Variants in RYR1 observed in about 807,000 individuals in gnomAD.
RYR1 encodes central core disease of muscle.
Under a neutral mutation model 583.5 loss-of-function variants are expected in RYR1, and 342 were observed. That is an observed-to-expected ratio of 0.59 (90% confidence interval 0.54 to 0.64). The LOEUF is 0.64. Ranked by LOEUF, RYR1 falls within the 30% of genes least tolerant of loss-of-function variation. RYR1 has a pLI of 0.00. For synonymous variants in RYR1, 2,791 were observed against 2,822.5 expected (o/e 0.99, Z 0.35); for missense variants, 6,032 against 6,917.2 (o/e 0.87, Z 4.54).
At position 38,577,980 on chromosome 19, in the gene RYR1, C is replaced by T. The variant is rs1277398138; in HGVS notation, c.14235C>T (p.Asp4745=). Residue 4745 remains aspartate (D), a synonymous_variant, in exon 98 of 106, where the codon GAC becomes GAT. Transcript: ENST00000359596. ...RERIAELLGM[D]LATLEITAHN... ...GGATTGCTGAGCTACTGGGCATGGACCTGGCCACACTAGAGATCACAGCCC... is the reference window on the plus strand; with the variant it reads ...GGATTGCTGAGCTACTGGGCATGGATCTGGCCACACTAGAGATCACAGCCC... 6.2e-7 allele frequency: 1 copy of T among 1,614,098 alleles called. No homozygotes were observed. Among genetic ancestry groups the T allele is most frequent in the Non-Finnish European group, 8.5e-7 (1 of 1,180,036 alleles).
intron 76 of RYR1, among the ~76,000 whole-genome samples, chr19:38,530,987 C>CT (rs59244176): frequency 0.05 from 6,463 of 129,308 alleles, 235 homozygotes; most frequent in South Asian, 0.083. Context: ...TTTTCTTTCT[C>CT]TTTTTTTTTT....
At position 38,534,832 on chromosome 19, in the gene RYR1, T is replaced by C; in HGVS notation, c.11359+13T>C. On this transcript the variant is annotated intron_variant, in intron 79 of 105. Coordinates refer to ENST00000359596, the MANE Select transcript of RYR1 (RefSeq NM_000540.3). Reference sequence around the variant, plus strand: ...AGTGCCTGCAAAGGTGCCCCTCACATGTGCACTGGACTCTTCCGAGTGCAC... The same window carrying C: ...AGTGCCTGCAAAGGTGCCCCTCACACGTGCACTGGACTCTTCCGAGTGCAC... 1 of 1,607,240 alleles carries C rather than the reference T, an allele frequency of 6.2e-7. No individual in the cohort carries two copies. The highest frequency in any genetic ancestry group is 8.5e-7 in the Non-Finnish European group (1 of 1,177,136).
rs938670458 is a variant in RYR1 at position 38,565,126 on chromosome 19, CGCGGGCGCGGCGGAG to C, written c.12803_12817del (p.Ala4268_Ala4272del). On this transcript the variant is annotated inframe_deletion, in exon 91 of 106. Coordinates refer to ENST00000359596, the MANE Select transcript of RYR1 (RefSeq NM_000540.3). This position sits in a 1 kb window ranked among gnomAD's most constrained non-coding sequence, Gnocchi z 4.7. ...AGCCGGAGACCGACGAGGACGAGGGCGCGGGCGCGGCGGAGGCGGGCGCGGAAGGCGCGGAGGAGG... is the reference window on the plus strand; with the variant it reads ...AGCCGGAGACCGACGAGGACGAGGGCGCGGGCGCGGAAGGCGCGGAGGAGG... 26 of 1,533,202 alleles carry C rather than the reference CGCGGGCGCGGCGGAG, an allele frequency of 1.7e-5. No individual in the cohort carries two copies. In the African/African-American group the frequency reaches 2.6e-4, roughly 15 times the overall value. 95.0% of individuals were successfully genotyped at this position (1,533,202 alleles called of 1,614,324 possible). A position where few individuals can be genotyped will look rare whatever the true frequency, so the allele number is the denominator to read the frequency against.
rs1234270331 is a variant in RYR1 at position 38,499,416 on chromosome 19, G to A, written c.7027+173G>A. On this transcript the variant is annotated intron_variant, in intron 43 of 105. Coordinates refer to ENST00000359596, the MANE Select transcript of RYR1 (RefSeq NM_000540.3). This position sits in a 1 kb window ranked among gnomAD's most constrained non-coding sequence, Gnocchi z 7.3. ...TACCCCTGGAGGTGTTGGGTCCTGT[G>A]GCTGGCAGTGTTGGATCCTGGGGCT... Among the ~76,000 whole-genome samples the A allele has an allele frequency of 6.6e-6, 1 of 151,882 alleles. No individual in the cohort carries two copies. Among genetic ancestry groups the A allele is most frequent in the Non-Finnish European group, 1.5e-5 (1 of 67,954 alleles).
rs747310543 is a variant in RYR1 at position 38,486,130 on chromosome 19, C to A, written c.5475C>A (p.His1825Gln). The A allele has an allele frequency of 1.2e-6, 2 of 1,613,162 alleles. No individual in the cohort carries two copies. The highest frequency in any genetic ancestry group is 1.7e-6 in the Non-Finnish European group (2 of 1,179,864). The change falls in exon 34 of 106, where the codon CAC becomes CAA. Residue 1825 changes from histidine (H) to glutamine (Q), a missense_variant. By Grantham distance (24) the His-to-Gln change is conservative. This residue lies in a region of RYR1 where 2,627 missense variants were observed against 2,961.3 expected (regional missense o/e 0.89). Transcript: ENST00000359596. ...AGGCGGTGCGCGACGGTGGGCAGCA[C>A]GCTCGCGACCCCGTCGGGGGCTCCG... ...LGEAVRDGGQ[H>Q]ARDPVGGSVE...
rs754545955 is a variant in RYR1 at position 38,502,976 on chromosome 19, G to A, written c.7926+6G>A. ...TCGCCAAGATGCCACTCAAGGTGAG[G>A]GCAAGCGCTCTTTAGCATCTCATTT... On this transcript the variant is annotated splice_donor_region_variant and intron_variant, in intron 49 of 105. Coordinates refer to ENST00000359596, the MANE Select transcript of RYR1 (RefSeq NM_000540.3). 4 of 1,607,456 alleles carry A rather than the reference G, an allele frequency of 2.5e-6. No homozygotes were observed. The highest frequency in any genetic ancestry group is 1.7e-5 in the Admixed American group (1 of 60,008).
intron 79 of RYR1, 125 bp from the exon 80 acceptor site, chr19:38,535,016 C>T: frequency 9.3e-7 from 1 of 1,077,200 alleles, no homozygotes; most frequent in Non-Finnish European, 1.4e-6. Context: ...ATCACCCCTG[C>T]ATGCACACCT....
chr19:38,440,003 A>C (rs1972599590), intron 1 of RYR1, among the ~76,000 whole-genome samples: 1 of 152,252 alleles, frequency 6.6e-6, no homozygotes, highest in Non-Finnish European at 1.5e-5. Flanking sequence ...CCAGTGGATC[A>C]CTTTGCAGAC....
intron 31 of RYR1, among the ~76,000 whole-genome samples, chr19:38,482,687 T>G (rs1969071372): frequency 6.6e-6 from 1 of 152,114 alleles, no homozygotes; most frequent in Non-Finnish European, 1.5e-5. Flanking sequence ...TAGGCTCAGG[T>G]GACCCTCCCA....
intron 101 of RYR1, among the ~76,000 whole-genome samples, chr19:38,584,446 A>AT (rs1974364267): frequency 5.9e-5 from 1 of 16,918 alleles, no homozygotes; most frequent in Non-Finnish European, 1.1e-4. Context: ...TGTGCCCCCC[A>AT]CCCAACCTGG....
At chr19:38,448,269 A>C in intron 9 of RYR1, 86 bp from the exon 10 acceptor site, 1 of 1,427,256 alleles carries the variant, frequency 7.0e-7, no homozygotes, top group Non-Finnish European at 9.5e-7. Context: ...TGGTTTCTGT[A>C]AAAAAAAGAA....
chr19:38,520,212 A>G (rs915078439), intron 67 of RYR1, among the ~76,000 whole-genome samples: 22 of 150,518 alleles, frequency 1.5e-4, no homozygotes, highest in Middle Eastern at 3.5e-3. Flanking sequence ...AGCTGGGATT[A>G]TAGACTCACA....
rs762640174 is a variant in RYR1 at position 38,528,682 on chromosome 19, T to C, written c.11021T>C (p.Ile3674Thr). ...GACCACAGTTTTGAGGACCGCATGA[T>C]AGATGACCTTTCAGTGAGCTGGGAC... ...TEDHSFEDRM[I>T]DDLSKAGEQE... Residue 3674 changes from isoleucine (I) to threonine (T), a missense_variant, in exon 75 of 106, where the codon ATA becomes ACA. Transcript: ENST00000359596. The C allele has an allele frequency of 1.1e-5, 17 of 1,614,042 alleles. No individual in the cohort carries two copies. Among genetic ancestry groups the C allele is most frequent in the East Asian group, 4.5e-5 (2 of 44,866 alleles).
In RYR1 at chr19:38,483,098, G is replaced by C. The variant is rs1318445977; in HGVS notation, c.4692G>C (p.Glu1564Asp). Reference sequence around the variant, plus strand: ...CCCACCAGAACGTCATCCAGTTTGAGCTGGGGAAGCAGAAGGTACAAGTGC... The same window carrying C: ...CCCACCAGAACGTCATCCAGTTTGACCTGGGGAAGCAGAAGGTACAAGTGC... ...LPTHQNVIQF[E>D]LGKQKNIMPL... The change falls in exon 32 of 106, where the codon GAG becomes GAC. Residue 1564 changes from glutamate to aspartate, a missense_variant. By Grantham distance (45) the Glu-to-Asp change is conservative. Coordinates refer to ENST00000359596, the MANE Select transcript of RYR1 (RefSeq NM_000540.3). The surrounding 1 kb of genome is among the most constrained non-coding windows in gnomAD (Gnocchi z 6.3). 1.9e-5 allele frequency: 31 copies of C among 1,613,998 alleles called. No individual in the cohort carries two copies. The highest frequency in any genetic ancestry group is 2.4e-5 in the Non-Finnish European group (28 of 1,180,012).
chr19:38,532,802 C>G, intron 78 of RYR1, 66 bp downstream of exon 78: 2 of 1,502,322 alleles, frequency 1.3e-6, no homozygotes, highest in Non-Finnish European at 1.8e-6. Flanking sequence ...ATCTCCCATT[C>G]ATTCAGCATG....
rs752665367 is a variant in RYR1 at position 38,565,605 on chromosome 19, A to C, written c.13271A>C (p.Glu4424Ala). ...DAAEGAGDEE[E>A]AVHEAGPGGA... ...GCGGAGGGCGCTGGAGACGAGGAGG[A>C]GGCGGTGCACGAGGCCGGGCCGGGC... is the stretch of plus-strand genomic sequence containing the variant. The change falls in exon 91 of 106, where the codon GAG becomes GCG. Residue 4424 changes from glutamate to alanine, a missense_variant. This residue lies in a region of RYR1 where 753 missense variants were observed against 759.6 expected (regional missense o/e 0.99). Coordinates refer to ENST00000359596, the MANE Select transcript of RYR1 (RefSeq NM_000540.3). The surrounding 1 kb of genome is among the most constrained non-coding windows in gnomAD (Gnocchi z 4.7). The C allele has an allele frequency of 2.3e-5, 33 of 1,448,676 alleles. 1 individual carries two copies. Among genetic ancestry groups the C allele is most frequent in the East Asian group, 5.9e-5 (2 of 34,058 alleles). The allele number at this position is 1,448,676 out of a possible 1,614,324, so 89.7% of individuals were successfully genotyped here.
At position 38,561,114 on chromosome 19, in the gene RYR1, C is replaced by T; in HGVS notation, c.12284C>T (p.Ala4095Val). ...ACTGACCTCCCTGCCCGCCCCCAGG[C>T]CATGGACAGCCAGAAGCAGTTCAGC... The part of the protein sequence containing the change: ...GLISKKDFQK[A>V]MDSQKQFSGP... Residue 4095 changes from alanine to valine, a missense_variant and splice_region_variant, in exon 90 of 106, where the codon GCC (alanine) becomes GTC (valine). Coordinates refer to ENST00000359596, the MANE Select transcript of RYR1 (RefSeq NM_000540.3). The surrounding 1 kb of genome is among the most constrained non-coding windows in gnomAD (Gnocchi z 4.8). The T allele has an allele frequency of 1.2e-6, 2 of 1,614,030 alleles. No homozygotes were observed. The highest frequency in any genetic ancestry group is 8.5e-7 in the Non-Finnish European group (1 of 1,179,990).
At position 38,455,879 on chromosome 19, in the gene RYR1, A is replaced by G. The variant is rs1967350560; in HGVS notation, c.1791+128A>G. On this transcript the variant is annotated intron_variant, in intron 16 of 105. Coordinates refer to ENST00000359596, the MANE Select transcript of RYR1 (RefSeq NM_000540.3). The stretch of plus-strand genomic sequence containing the variant: ...CATCTCTCACCTGTACGCCACTCCC[A>G]CTGGCTTTCATCTCCACACAGGGGT... The G allele has an allele frequency of 4.3e-6, 3 of 694,544 alleles. No individual in the cohort carries two copies. The East Asian group carries it at 8.3e-5, about 19-fold the overall frequency. 43.0% of individuals were successfully genotyped at this position (694,544 alleles called of 1,614,324 possible).
intron 33 of RYR1, among the ~76,000 whole-genome samples, chr19:38,485,043 C>T (rs1969212518): frequency 1.3e-5 from 2 of 151,830 alleles, no homozygotes; most frequent in African/African-American, 4.8e-5. Flanking sequence ...GGGAATATAA[C>T]AAACAAAAGC....
Sources: allele counts gnomAD v4.1 joint callset (sites outside exome capture counted in the v4.1 genomes callset), GRCh38; gene constraint gnomAD v4.1.1; regional missense constraint gnomAD v4.1.1; non-coding constraint Gnocchi (gnomAD v3.1); transcripts MANE v1.5; gene names NCBI Gene and HGNC (gene_info 2026-07-23, HGNC 2026-07-21).